CREB5: variants seen among roughly 807,000 people sequenced by gnomAD.
CREB5 encodes the protein cyclic AMP-responsive element-binding protein 5.
In CREB5, 19 loss-of-function variants were observed where a neutral mutation model predicts 57.1. The observed-to-expected ratio is 0.33, with a 90% CI of 0.23 to 0.49. The LOEUF (loss-of-function observed/expected upper bound fraction) is 0.49, where lower values mean the gene tolerates loss of function less well. Ranked by LOEUF, CREB5 falls within the 20% of genes least tolerant of loss-of-function variation. CREB5 has a pLI of 0.99. For missense variants in CREB5, 579 were observed against 671.6 expected, an observed-to-expected ratio of 0.86 and a Z score of 1.52; for synonymous variants, 238 against 238.3, an observed-to-expected ratio of 1.00 and a Z score of 0.01.
chr7:28,389,271 TG>T (rs1190153847), intron 1 of CREB5, among the ~76,000 whole-genome samples: 9 of 152,188 alleles, frequency 5.9e-5, no homozygotes, highest in African/African-American at 2.2e-4. Context: ...CTAGCAAATC[TG>T]AGACTAGAGA....
At chr7:28,791,474 C>T (rs188138681) in intron 7 of CREB5, among the ~76,000 whole-genome samples, 45 of 152,302 alleles carry the variant, frequency 3.0e-4, no homozygotes, top group Non-Finnish European at 2.8e-4. Flanking sequence ...CAAAGAAAAG[C>T]AGGAGGTTCA....
intron 7 of CREB5, among the ~76,000 whole-genome samples, chr7:28,796,431 T>C (rs1178021748): frequency 6.6e-6 from 1 of 152,160 alleles, no homozygotes; most frequent in African/African-American, 2.4e-5. Context: ...TGATATTAAC[T>C]TCACCCCTAC....
chr7:28,394,361 A>G (rs187979084), intron 1 of CREB5, among the ~76,000 whole-genome samples: 178 of 152,304 alleles, frequency 1.2e-3, no homozygotes, highest in African/African-American at 4.2e-3. Context: ...TTAAATGTGA[A>G]TGGCTTAAGT....
chr7:28,619,507 G>T (rs777003435), intron 5 of CREB5, among the ~76,000 whole-genome samples: 7 of 152,112 alleles, frequency 4.6e-5, no homozygotes, highest in Non-Finnish European at 8.8e-5. Flanking sequence ...ACTGAGACAG[G>T]CACCATCCTC....
chr7:28,303,222 G>A (rs879493008), intron 1 of CREB5, among the ~76,000 whole-genome samples: 2 of 151,854 alleles, frequency 1.3e-5, no homozygotes, highest in African/African-American at 4.8e-5. Context: ...AGCAGACTAC[G>A]ATGAACCTTA....
chr7:28,658,584 T>C (rs933316634), intron 5 of CREB5, among the ~76,000 whole-genome samples: 3 of 152,186 alleles, frequency 2.0e-5, no homozygotes, highest in Admixed American at 2.0e-4. Flanking sequence ...TCTGCACTCA[T>C]GCACACAGAA....
chr7:28,607,652 G>T (rs1797191497), intron 5 of CREB5, among the ~76,000 whole-genome samples: 1 of 151,962 alleles, frequency 6.6e-6, no homozygotes, highest in Non-Finnish European at 1.5e-5. Flanking sequence ...GAAGGAAAGT[G>T]GTTTAATGTC....
intron 7 of CREB5, among the ~76,000 whole-genome samples, chr7:28,787,799 G>A (rs941214422): frequency 1.6e-4 from 24 of 152,116 alleles, no homozygotes; most frequent in African/African-American, 3.6e-4. Flanking sequence ...AGCAATCTTC[G>A]CACCTTGGCC....
At chr7:28,723,562 A>T (rs1002320318) in intron 6 of CREB5, among the ~76,000 whole-genome samples, 1 of 152,336 alleles carries the variant, frequency 6.6e-6, no homozygotes, top group Admixed American at 6.5e-5. Context: ...AGCTGCGTAG[A>T]GTAGCAGGGT....
At chr7:28,635,295 A>G (rs10280434) in intron 5 of CREB5, among the ~76,000 whole-genome samples, 2,136 of 152,260 alleles carry the variant, frequency 0.014, 56 homozygotes, top group African/African-American at 0.047. Flanking sequence ...TAGGTTTTCA[A>G]TTTGGCACAT....
intron 4 of CREB5, among the ~76,000 whole-genome samples, chr7:28,551,872 T>C (rs4722814): frequency 1.8e-5 from 2 of 113,140 alleles, no homozygotes; most frequent in Middle Eastern, 4.6e-3. Context: ...TTCTTTCTTT[T>C]TCTTTCTTTC....
At chr7:28,390,606 C>A (rs1174797751) in intron 1 of CREB5, among the ~76,000 whole-genome samples, 2 of 152,152 alleles carry the variant, frequency 1.3e-5, no homozygotes, top group African/African-American at 4.8e-5. Context: ...TTCCTCCGCA[C>A]CACTTGGCTG....
intron 5 of CREB5, among the ~76,000 whole-genome samples, chr7:28,714,831 A>C (rs371058131): frequency 6.6e-6 from 1 of 152,212 alleles, no homozygotes; most frequent in Non-Finnish European, 1.5e-5. Flanking sequence ...CACACATCTT[A>C]CCTTGTTCCA....
At chr7:28,306,635 A>T (rs1166990923) in intron 1 of CREB5, among the ~76,000 whole-genome samples, 1 of 130,310 alleles carries the variant, frequency 7.7e-6, no homozygotes, top group Admixed American at 1.0e-4. Flanking sequence ...ATCTCGGCTC[A>T]CTGCAAGCTC....
chr7:28,391,596 T>C (rs1450038930), intron 1 of CREB5, among the ~76,000 whole-genome samples: 1 of 152,200 alleles, frequency 6.6e-6, no homozygotes, highest in African/African-American at 2.4e-5. Flanking sequence ...CTACTCCAAT[T>C]CTGATGGTCA....
chr7:28,596,480 C>T (rs761535703), intron 5 of CREB5, among the ~76,000 whole-genome samples: 16 of 152,242 alleles, frequency 1.1e-4, no homozygotes, highest in Admixed American at 3.9e-4. Flanking sequence ...AGAAGCATCT[C>T]AATTGCTCAT....
At chr7:28,708,509 A>C (rs1053567533) in intron 5 of CREB5, among the ~76,000 whole-genome samples, 1 of 152,214 alleles carries the variant, frequency 6.6e-6, no homozygotes, top group Admixed American at 6.5e-5. Context: ...AGAAAAGGTG[A>C]AATAAGAGCA....
intron 1 of CREB5, among the ~76,000 whole-genome samples, chr7:28,447,779 C>G (rs1031472406): frequency 6.6e-6 from 1 of 152,158 alleles, no homozygotes; most frequent in Non-Finnish European, 1.5e-5. Context: ...CCCCACATTC[C>G]CAGCCCGTCT....
intron 1 of CREB5, among the ~76,000 whole-genome samples, chr7:28,346,176 AC>A: frequency 1.3e-5 from 2 of 152,308 alleles, no homozygotes; most frequent in Admixed American, 1.3e-4. Flanking sequence ...TGGCTAAGAC[AC>A]CATCTGTCTT....
Sources: gnomAD v4.1 joint callset for allele counts (sites outside exome capture counted in the v4.1 genomes callset) on GRCh38, gnomAD v4.1.1 for gene constraint, MANE v1.5 for transcripts, NCBI Gene and HGNC (gene_info 2026-07-23, HGNC 2026-07-21) for gene names.